The following APLP2 variants were observed in gnomAD, a reference collection of about 807,000 sequenced individuals.
The protein encoded by APLP2 is amyloid beta precursor like protein 2, also known as CDEI box-binding protein.
Under a neutral mutation model 89.9 loss-of-function variants are expected in APLP2, and 53 were observed. That is an observed-to-expected ratio of 0.59 (90% confidence interval 0.47 to 0.74). The LOEUF (loss-of-function observed/expected upper bound fraction) is 0.74, where lower values mean the gene tolerates loss of function less well. APLP2 is among the 30% of genes least tolerant of loss of function. The probability of loss-of-function intolerance (pLI) is 0.00; values close to 1 mark genes in which losing one functional copy is unlikely to be tolerated. For missense variants in APLP2, 973 were observed against 975.9 expected (o/e 1.00, Z 0.04); for synonymous variants, 372 against 348.6 (o/e 1.07, Z -0.75).
At position 130,119,718 on chromosome 11, in the gene APLP2, C is replaced by T. The variant is rs541367429; in HGVS notation, c.404-988C>T. 5.3e-4 allele frequency among the ~76,000 whole-genome samples: 81 copies of T among 152,338 alleles called. 1 individual carries two copies. The highest frequency in any genetic ancestry group is 1.9e-3 in the African/African-American group (78 of 41,576). Reference sequence around the variant, plus strand: ...ACCTGATGTTTTTCTCTCTCTGCATCTTATATGTATATTTTTGTGTTGCTA... The same window carrying T: ...ACCTGATGTTTTTCTCTCTCTGCATTTTATATGTATATTTTTGTGTTGCTA... On this transcript the variant is annotated intron_variant, in intron 3 of 16. Transcript: ENST00000338167.
intron 1 of APLP2, among the ~76,000 whole-genome samples, chr11:130,076,744 TG>T (rs1942196768): frequency 6.6e-6 from 1 of 152,198 alleles, no homozygotes; most frequent in Non-Finnish European, 1.5e-5. Context: ...GATAGGATAA[TG>T]TCCAGAGGAG....
chr11:130,114,676 A>G (rs947272451), intron 3 of APLP2, among the ~76,000 whole-genome samples: 3 of 152,030 alleles, frequency 2.0e-5, no homozygotes, highest in African/African-American at 7.3e-5. Context: ...TTTCTCTGAG[A>G]CACCATGGTT....
chr11:130,128,966 G>A, intron 9 of APLP2, 82 bp from the exon 10 acceptor site: 1 of 1,478,688 alleles, frequency 6.8e-7, no homozygotes, highest in Non-Finnish European at 9.1e-7. Flanking sequence ...ACTGACAGGA[G>A]AAGCACTGGG....
At chr11:130,133,828 G>A (rs1018350462) in intron 12 of APLP2, 100 bp downstream of exon 12, 10 of 844,924 alleles carry the variant, frequency 1.2e-5, no homozygotes, top group African/African-American at 1.2e-4. Context: ...AAGCAAGGCC[G>A]GTGAAGTGGG....
At chr11:130,115,034 G>C (rs571265585) in intron 3 of APLP2, among the ~76,000 whole-genome samples, 1 of 151,842 alleles carries the variant, frequency 6.6e-6, no homozygotes, top group Non-Finnish European at 1.5e-5. Flanking sequence ...GAGAGGTAGC[G>C]TGGATCCTTC....
intron 1 of APLP2, among the ~76,000 whole-genome samples, chr11:130,072,011 C>T (rs1045976457): frequency 2.0e-5 from 3 of 152,150 alleles, no homozygotes; most frequent in African/African-American, 7.2e-5. Context: ...TTGAGATTAG[C>T]GAAAGGGATT....
intron 5 of APLP2, among the ~76,000 whole-genome samples, chr11:130,122,070 A>G (rs991990873): frequency 4.6e-5 from 7 of 152,188 alleles, no homozygotes; most frequent in African/African-American, 1.7e-4. Flanking sequence ...TTTGTTTAAC[A>G]TAATATCCCT....
chr11:130,120,083 T>G (rs1377781676), intron 3 of APLP2, among the ~76,000 whole-genome samples: 1 of 152,198 alleles, frequency 6.6e-6, no homozygotes, highest in Admixed American at 6.5e-5. Context: ...GATAATATAT[T>G]TTGGCAGAAA....
At chr11:130,094,047 ATTTTTTT>A (rs138605738) in intron 1 of APLP2, among the ~76,000 whole-genome samples, 10 of 76,384 alleles carry the variant, frequency 1.3e-4, no homozygotes, top group South Asian at 4.9e-4. Flanking sequence ...TCCCGGCCGT[ATTTTTTT>A]TTTTTTTTTT....
intron 3 of APLP2, among the ~76,000 whole-genome samples, chr11:130,118,511 G>A (rs879623004): frequency 2.0e-5 from 3 of 152,178 alleles, no homozygotes; most frequent in African/African-American, 4.8e-5. Flanking sequence ...ATTCAACCCT[G>A]CATATACTTT....
At chr11:130,132,830 A>G (rs1336470831) in intron 11 of APLP2, among the ~76,000 whole-genome samples, 1 of 152,190 alleles carries the variant, frequency 6.6e-6, no homozygotes, top group Non-Finnish European at 1.5e-5. Context: ...AAAATCCATA[A>G]TGGTTCCCTC....
chr11:130,099,707 A>G (rs1320860920), intron 1 of APLP2, among the ~76,000 whole-genome samples: 1 of 152,236 alleles, frequency 6.6e-6, no homozygotes, highest in Non-Finnish European at 1.5e-5. Context: ...GTGAAGAAGG[A>G]ATGTGCACTC....
At chr11:130,072,507 C>T (rs1425885908) in intron 1 of APLP2, among the ~76,000 whole-genome samples, 1 of 114,010 alleles carries the variant, frequency 8.8e-6, no homozygotes, top group South Asian at 2.4e-4. Context: ...TACGGAGTCT[C>T]GCTCTGTCCC....
chr11:130,083,263 C>T (rs1001694361), intron 1 of APLP2, among the ~76,000 whole-genome samples: 7 of 151,866 alleles, frequency 4.6e-5, no homozygotes, highest in Admixed American at 3.3e-4. Context: ...GTCCTGAACT[C>T]GTGGCCTCAA....
chr11:130,088,353 C>G (rs528394253), intron 1 of APLP2, among the ~76,000 whole-genome samples: 1 of 152,300 alleles, frequency 6.6e-6, no homozygotes, highest in East Asian at 1.9e-4. Flanking sequence ...AATAAGTTAA[C>G]TGAAATCGGG....
At chr11:130,124,820 C>G (rs995893035) in intron 7 of APLP2, among the ~76,000 whole-genome samples, 2 of 152,168 alleles carry the variant, frequency 1.3e-5, no homozygotes, top group Non-Finnish European at 2.9e-5. Context: ...AAAAGGAGGC[C>G]TTAGGGAACC....
intron 1 of APLP2, among the ~76,000 whole-genome samples, chr11:130,077,128 AAG>A (rs1447043693): frequency 1.3e-5 from 2 of 152,234 alleles, no homozygotes; most frequent in Admixed American, 1.3e-4. Context: ...GGATGGCTGA[AAG>A]AGAAAGAAGT....
chr11:130,132,964 G>A (rs1372418553), intron 11 of APLP2, among the ~76,000 whole-genome samples: 3 of 146,288 alleles, frequency 2.1e-5, no homozygotes, highest in Admixed American at 2.0e-4. Flanking sequence ...ATTCGGCATT[G>A]TACAAATTAG....
intron 1 of APLP2, among the ~76,000 whole-genome samples, chr11:130,079,129 T>C (rs1439470103): frequency 6.6e-6 from 1 of 151,678 alleles, no homozygotes; most frequent in African/African-American, 2.4e-5. Context: ...GACAGGTTGT[T>C]GCTCTGTCAC....
Sources: allele counts gnomAD v4.1 joint callset (sites outside exome capture counted in the v4.1 genomes callset), GRCh38; gene constraint gnomAD v4.1.1; transcripts MANE v1.5; gene names NCBI Gene and HGNC (gene_info 2026-07-23, HGNC 2026-07-21).